Variants in ABTB2 observed in about 807,000 individuals in gnomAD.
The protein encoded by ABTB2 is ankyrin repeat and BTB/POZ domain-containing protein 2.
A neutral mutation model predicts 104.1 loss-of-function variants in ABTB2; 56 were observed. The observed-to-expected ratio is 0.54, with a 90% CI of 0.43 to 0.67. ABTB2 has a LOEUF of 0.67. ABTB2 is among the 30% of genes least tolerant of loss of function. The probability of loss-of-function intolerance (pLI) is 0.00; values close to 1 mark genes in which losing one functional copy is unlikely to be tolerated. For synonymous variants in ABTB2, 606 were observed against 608.2 expected (o/e 1.00, Z 0.05); for missense variants, 1,279 against 1,407.7 (o/e 0.91, Z 1.46).
chr11:34,168,065 C>T, intron 5 of ABTB2, 73 bp from the exon 6 acceptor site: 1 of 1,476,600 alleles, frequency 6.8e-7, no homozygotes, highest in Non-Finnish European at 9.3e-7. Context: ...AGGCCTCTGC[C>T]CCAGAAACCA....
In ABTB2 at chr11:34,356,723, G is replaced by A. The variant is rs1169741650; in HGVS notation, c.861C>T (p.Leu287=). The A allele has an allele frequency of 6.3e-7, 1 of 1,597,514 alleles. No individual in the cohort carries two copies. The highest frequency in any genetic ancestry group is 1.7e-5 in the Admixed American group (1 of 59,450). ...TACCATTGGCGTTCTTGCCGCAGATGAGATGCTCATAGGGCTGCAAGACGC... is the reference window on the plus strand; with the variant it reads ...TACCATTGGCGTTCTTGCCGCAGATAAGATGCTCATAGGGCTGCAAGACGC... ...LWGVLQPYEH[L]ICGKNANGVL... is the part of the protein sequence containing the mutation. The change falls in exon 1 of 17, where the codon CTC becomes CTT. Residue 287 remains leucine, a synonymous_variant. Transcript: ENST00000435224. This position sits in a 1 kb window ranked among gnomAD's most constrained non-coding sequence, Gnocchi z 4.6.
intron 9 of ABTB2, among the ~76,000 whole-genome samples, chr11:34,164,397 G>C (rs1403479369): frequency 6.6e-6 from 1 of 152,182 alleles, no homozygotes; most frequent in African/African-American, 2.4e-5. Context: ...AGTGGGCTCT[G>C]GCAGCTGCAG....
At chr11:34,257,557 G>A (rs1427198732) in intron 1 of ABTB2, among the ~76,000 whole-genome samples, 4 of 152,010 alleles carry the variant, frequency 2.6e-5, no homozygotes, top group Non-Finnish European at 5.9e-5. Flanking sequence ...CACAATCATC[G>A]AGCATTTGAA....
chr11:34,161,177 C>T (rs887320265), intron 10 of ABTB2, 96 bp from the exon 11 acceptor site: 508 of 1,315,038 alleles, frequency 3.9e-4, no homozygotes, highest in Non-Finnish European at 5.0e-4. Context: ...CTCGGGATGC[C>T]CCCGCTGTCT....
intron 1 of ABTB2, among the ~76,000 whole-genome samples, chr11:34,314,455 GAA>G (rs780090034): frequency 3.3e-5 from 5 of 152,230 alleles, no homozygotes; most frequent in Non-Finnish European, 5.9e-5. Context: ...GTTGCATGAA[GAA>G]AGGAATGACT....
chr11:34,228,845 T>C (rs918628544), intron 1 of ABTB2, among the ~76,000 whole-genome samples: 4 of 152,132 alleles, frequency 2.6e-5, no homozygotes, highest in Admixed American at 6.5e-5. Context: ...AGGGGCCAGG[T>C]GCAGTGGCTC....
rs1212496184 is a variant in ABTB2, at chr11:34,197,453, C to T, written c.1116G>A (p.Gln372=). The change falls in exon 3 of 17, where the codon CAG becomes CAA. Residue 372 remains glutamine (Q), a synonymous_variant. Coordinates refer to ENST00000435224, the MANE Select transcript of ABTB2 (RefSeq NM_145804.3). ...PGASPARQAR[Q]PPQPITWSPD... ...GGGACCAAGTGATGGGCTGTGGCGG[C>T]TGGCGGGCCTGGCGGGCAGGGCTGG... is the stretch of plus-strand genomic sequence containing the variant. 1 of 1,591,078 alleles carries T rather than the reference C, an allele frequency of 6.3e-7. No homozygotes were observed. The highest frequency in any genetic ancestry group is 8.6e-7 in the Non-Finnish European group (1 of 1,168,180).
chr11:34,156,891 T>A lies in ABTB2; in HGVS notation c.2698-2122A>T, dbSNP rs183255653. On this transcript the variant is annotated intron_variant, in intron 14 of 16. Coordinates refer to ENST00000435224, the MANE Select transcript of ABTB2 (RefSeq NM_145804.3). ...TGGCTATACTGTAAGTTCAAAAATA[T>A]TAAAATCAATTTCACCTGCTCTTTA... Among the ~76,000 whole-genome samples the A allele has an allele frequency of 1.4e-3, 211 of 152,352 alleles. 2 individuals are homozygous for A. The highest frequency in any genetic ancestry group is 2.7e-3 in the Non-Finnish European group (182 of 68,030).
At position 34,357,491 on chromosome 11, in the gene ABTB2, G is replaced by C; in HGVS notation, c.93C>G (p.Ser31Arg). The C allele has an allele frequency of 6.5e-7, 1 of 1,544,032 alleles. No individual in the cohort carries two copies. Among genetic ancestry groups the C allele is most frequent in the Non-Finnish European group, 8.7e-7 (1 of 1,146,834 alleles). Reference protein sequence around the residue: ...YGAGDSCRSLSLSSSKSNSQA... With the variant: ...YGAGDSCRSLRLSSSKSNSQA... ...GCGAGTTGGACTTGGAGGACGAGAG[G>C]CTGAGCGAGCGGCACGAGTCCCCGG... is the stretch of plus-strand genomic sequence containing the variant. Residue 31 changes from serine to arginine, a missense_variant, in exon 1 of 17, where the codon AGC (serine) becomes AGG (arginine). Physicochemically the swap from Ser to Arg is moderately radical, Grantham distance 110. Transcript: ENST00000435224.
Position 34,167,478 on chromosome 11 carries a change from T to A in ABTB2, c.1654-118A>T, listed in dbSNP as rs1263273364. 4.6e-6 allele frequency: 4 copies of A among 866,170 alleles called. No homozygotes were observed. The East Asian group carries it at 1.1e-4, about 24-fold the overall frequency. The allele number at this position is 866,170 out of a possible 1,614,324, so 53.7% of individuals were successfully genotyped here. A position where few individuals can be genotyped will look rare whatever the true frequency, so the allele number is the denominator to read the frequency against. ...CTACATTCGATTGATAATGTTTGCC[T>A]GGAGCACAAAGTGGACAAGGCTCAA... On this transcript the variant is annotated intron_variant, in intron 6 of 16. Transcript: ENST00000435224.
chr11:34,160,181 G>A, intron 12 of ABTB2, 67 bp downstream of exon 12: 2 of 1,426,672 alleles, frequency 1.4e-6, no homozygotes, highest in South Asian at 1.2e-5. Context: ...ACAAAGTGGG[G>A]AGGAAGCAGG....
intron 1 of ABTB2, among the ~76,000 whole-genome samples, chr11:34,297,796 G>A (rs59815177): frequency 2.7e-3 from 334 of 122,090 alleles, no homozygotes; most frequent in African/African-American, 6.5e-3. Flanking sequence ...AAAAATAAAG[G>A]AAAGAAAAAG....
At chr11:34,293,292 T>C (rs1209415016) in intron 1 of ABTB2, among the ~76,000 whole-genome samples, 1 of 152,046 alleles carries the variant, frequency 6.6e-6, no homozygotes, top group African/African-American at 2.4e-5. Context: ...GGACACCTGA[T>C]GGGACACGAG....
At chr11:34,287,237 A>G (rs1854516207) in intron 1 of ABTB2, among the ~76,000 whole-genome samples, 1 of 152,056 alleles carries the variant, frequency 6.6e-6, no homozygotes, top group African/African-American at 2.4e-5. Flanking sequence ...TTAAAAGTCA[A>G]ATTTACTGTA....
intron 3 of ABTB2, among the ~76,000 whole-genome samples, chr11:34,181,538 G>A (rs1013749264): frequency 1.3e-5 from 2 of 152,182 alleles, no homozygotes; most frequent in Non-Finnish European, 2.9e-5. Flanking sequence ...CAGCCGGTTT[G>A]TGCCCTTCTC....
At chr11:34,272,237 T>C (rs1468335572) in intron 1 of ABTB2, among the ~76,000 whole-genome samples, 1 of 151,016 alleles carries the variant, frequency 6.6e-6, no homozygotes, top group Non-Finnish European at 1.5e-5. Flanking sequence ...CAATACACTG[T>C]TGATTGTGGT....
intron 1 of ABTB2, among the ~76,000 whole-genome samples, chr11:34,233,449 C>T (rs1853800338): frequency 6.6e-6 from 1 of 151,800 alleles, no homozygotes; most frequent in Admixed American, 6.6e-5. Context: ...CTCCTGGGCT[C>T]AAGCAATCCT....
intron 1 of ABTB2, among the ~76,000 whole-genome samples, chr11:34,297,054 T>C (rs1469367926): frequency 2.6e-5 from 4 of 152,232 alleles, no homozygotes; most frequent in African/African-American, 4.8e-5. Context: ...ACATACAGTG[T>C]AGCCAGAAAA....
intron 1 of ABTB2, among the ~76,000 whole-genome samples, chr11:34,220,709 T>C (rs1565144497): frequency 6.6e-6 from 1 of 152,194 alleles, no homozygotes. Context: ...GAACCTCTTG[T>C]TGCAAAAATA....
Sources: allele counts gnomAD v4.1 joint callset (sites outside exome capture counted in the v4.1 genomes callset), GRCh38; gene constraint gnomAD v4.1.1; non-coding constraint Gnocchi (gnomAD v3.1); transcripts MANE v1.5; gene names NCBI Gene and HGNC (gene_info 2026-07-23, HGNC 2026-07-21).